Variants in ADCYAP1R1 observed in about 807,000 individuals in gnomAD.
ADCYAP1R1 encodes the protein pituitary adenylate cyclase-activating polypeptide type I receptor.
In ADCYAP1R1, 44 loss-of-function variants were observed where a neutral mutation model predicts 67.6. That is an observed-to-expected ratio of 0.65 (90% confidence interval 0.51 to 0.84). The LOEUF is 0.84. Among genes scored for constraint, ADCYAP1R1 ranks in the 40% least tolerant of loss-of-function variants. The pLI, the probability that ADCYAP1R1 is intolerant of heterozygous loss-of-function variation, is 0.00. For synonymous variants in ADCYAP1R1, 222 were observed against 219.6 expected (o/e 1.01, Z -0.10); for missense variants, 477 against 587.9 (o/e 0.81, Z 1.95).
chr7:31,102,478 C>T lies in ADCYAP1R1; in HGVS notation c.1047-759C>T, dbSNP rs1164803911. Among the ~76,000 whole-genome samples the T allele has an allele frequency of 3.9e-5, 6 of 152,164 alleles. No homozygotes were observed. Among genetic ancestry groups the T allele is most frequent in the Non-Finnish European group, 4.4e-5 (3 of 68,024 alleles). ...CTGTGGCTTCAGAACAGAGCCCCAC[C>T]GTGCTGTCAGCCTAGGGCCAGAGGC... On this transcript the variant is annotated intron_variant, in intron 13 of 15. Transcript: ENST00000304166. The surrounding 1 kb of genome is among the most constrained non-coding windows in gnomAD (Gnocchi z 4.3).
intron 3 of ADCYAP1R1, among the ~76,000 whole-genome samples, chr7:31,067,501 T>A (rs1004111486): frequency 1.3e-5 from 2 of 151,192 alleles, no homozygotes; most frequent in African/African-American, 4.9e-5. Flanking sequence ...CACTTCATTC[T>A]ATCACCACAG....
intron 14 of ADCYAP1R1, among the ~76,000 whole-genome samples, chr7:31,103,741 C>T (rs974480397): frequency 3.3e-5 from 5 of 152,190 alleles, no homozygotes; most frequent in African/African-American, 1.2e-4. Context: ...CATCTAGATC[C>T]CCAGCACAGG....
chr7:31,105,533 G>A (rs1241861217), intron 15 of ADCYAP1R1, among the ~76,000 whole-genome samples: 1 of 152,248 alleles, frequency 6.6e-6, no homozygotes, highest in Non-Finnish European at 1.5e-5. Context: ...CCAAAACAGA[G>A]GTGCTGGGGC....
At chr7:31,083,474 G>A (rs1350039451) in intron 6 of ADCYAP1R1, among the ~76,000 whole-genome samples, 2 of 152,316 alleles carry the variant, frequency 1.3e-5, no homozygotes, top group East Asian at 1.9e-4. Flanking sequence ...AAGTACATTA[G>A]TGACAGGAAA....
At chr7:31,053,764 C>T (rs1176015937) in intron 1 of ADCYAP1R1, among the ~76,000 whole-genome samples, 1 of 152,222 alleles carries the variant, frequency 6.6e-6, no homozygotes, top group Non-Finnish European at 1.5e-5. Flanking sequence ...GCATTTGGCT[C>T]TTCCCATGAG....
Position 31,086,891 on chromosome 7 carries a change from T to C in ADCYAP1R1, c.824-52T>C, listed in dbSNP as rs1035351907. 4.4e-5 allele frequency: 70 copies of C among 1,585,210 alleles called. No individual in the cohort carries two copies. The East Asian group carries it at 1.3e-3, about 30-fold the overall frequency. On this transcript the variant is annotated intron_variant, in intron 10 of 15. Transcript: ENST00000304166. This position sits in a 1 kb window ranked among gnomAD's most constrained non-coding sequence, Gnocchi z 5.0. ...GGAGCCCCAGGTCTACGGTGGACAT[T>C]GGACATGTTGGTTTTCCTGTTCTCA... is the stretch of plus-strand genomic sequence containing the variant.
chr7:31,075,208 A>T (rs1292063966), intron 3 of ADCYAP1R1, among the ~76,000 whole-genome samples: 1 of 152,144 alleles, frequency 6.6e-6, no homozygotes, highest in Non-Finnish European at 1.5e-5. Context: ...AATGGTTCCC[A>T]GGGACACCTA....
In ADCYAP1R1 at chr7:31,106,794, G is replaced by A; in HGVS notation, c.*110G>A. Reference sequence around the variant, plus strand: ...CCTCCCCTTGGGCAGGCCCTGGGCTGGAAGCTTGGCTCCTGAGGGGGGAGA... The same window carrying A: ...CCTCCCCTTGGGCAGGCCCTGGGCTAGAAGCTTGGCTCCTGAGGGGGGAGA... On this transcript the variant is annotated 3_prime_UTR_variant, in exon 16 of 16. Transcript: ENST00000304166. 7.6e-7 allele frequency: 1 copy of A among 1,322,402 alleles called. No individual in the cohort carries two copies. Among genetic ancestry groups the A allele is most frequent in the Non-Finnish European group, 1.0e-6 (1 of 993,700 alleles). 81.9% of individuals were successfully genotyped at this position (1,322,402 alleles called of 1,614,324 possible). A position where few individuals can be genotyped will look rare whatever the true frequency, so the allele number is the denominator to read the frequency against.
intron 3 of ADCYAP1R1, among the ~76,000 whole-genome samples, chr7:31,072,279 C>T (rs1442515559): frequency 2.0e-5 from 3 of 152,178 alleles, no homozygotes; most frequent in East Asian, 3.9e-4. Flanking sequence ...AACACTGCTA[C>T]CCTTAACATG....
At position 31,084,718 on chromosome 7, in the gene ADCYAP1R1, G is replaced by A; in HGVS notation, c.439-19G>A. ...GCAGGTCTCACATGAAGTCCTGCAT[G>A]TCCTGTGCTCTGCTTCAGGATTATT... On this transcript the variant is annotated intron_variant, in intron 7 of 15. Transcript: ENST00000304166. The A allele has an allele frequency of 6.2e-7, 1 of 1,600,222 alleles. No homozygotes were observed. Among genetic ancestry groups the A allele is most frequent in the Non-Finnish European group, 8.6e-7 (1 of 1,167,332 alleles).
intron 3 of ADCYAP1R1, among the ~76,000 whole-genome samples, chr7:31,068,870 A>G (rs773847649): frequency 6.6e-6 from 1 of 152,192 alleles, no homozygotes; most frequent in Admixed American, 6.5e-5. Flanking sequence ...CTCTTCCCCC[A>G]TTGAACCTTC....
chr7:31,074,467 C>G (rs1179244803), intron 3 of ADCYAP1R1, among the ~76,000 whole-genome samples: 1 of 152,180 alleles, frequency 6.6e-6, no homozygotes, highest in Non-Finnish European at 1.5e-5. Context: ...TGCCACCCGC[C>G]CGACCTCTGC....
intron 1 of ADCYAP1R1, among the ~76,000 whole-genome samples, chr7:31,054,530 A>G (rs989004510): frequency 1.3e-5 from 2 of 152,236 alleles, no homozygotes; most frequent in Admixed American, 6.5e-5. Flanking sequence ...CGAATAAATA[A>G]ATACACACAT....
chr7:31,089,452 G>A (rs561371012), intron 12 of ADCYAP1R1, among the ~76,000 whole-genome samples: 1 of 149,158 alleles, frequency 6.7e-6, no homozygotes, highest in Non-Finnish European at 1.5e-5. Flanking sequence ...AATCAGGAAT[G>A]GGTATTGAAT....
At chr7:31,104,844 C>T in intron 14 of ADCYAP1R1, 24 bp from the exon 15 acceptor site, 1 of 1,613,988 alleles carries the variant, frequency 6.2e-7, no homozygotes, top group Non-Finnish European at 8.5e-7. Context: ...CTAGCATCCT[C>T]AGGCTTATTT....
Position 31,087,716 on chromosome 7 carries a change from A to G in ADCYAP1R1, c.954+20A>G, listed in dbSNP as rs1795809517. On this transcript the variant is annotated intron_variant, in intron 12 of 15. Coordinates refer to ENST00000304166, the MANE Select transcript of ADCYAP1R1 (RefSeq NM_001118.5). ...ATCATGGTGAGTGTCCTTGGGATGA[A>G]GAGGAAGGGAAGAGACAGGGTCTTG... The G allele has an allele frequency of 6.2e-7, 1 of 1,608,578 alleles. No homozygotes were observed. Among genetic ancestry groups the G allele is most frequent in the Non-Finnish European group, 8.5e-7 (1 of 1,175,888 alleles).
At chr7:31,056,066 G>A (rs1016601159) in intron 1 of ADCYAP1R1, among the ~76,000 whole-genome samples, 5 of 152,206 alleles carry the variant, frequency 3.3e-5, no homozygotes, top group African/African-American at 1.2e-4. Context: ...CCTCATGGGT[G>A]GGGAAGCCAC....
chr7:31,053,809 C>G (rs1794126897), intron 1 of ADCYAP1R1, among the ~76,000 whole-genome samples: 1 of 152,176 alleles, frequency 6.6e-6, no homozygotes, highest in Non-Finnish European at 1.5e-5. Flanking sequence ...TGGGAAGGGG[C>G]TGGACGCAGC....
Position 31,085,379 on chromosome 7 carries a change from C to T in ADCYAP1R1, c.606C>T (p.Ser202=), listed in dbSNP as rs768098970. The T allele has an allele frequency of 1.1e-4, 170 of 1,613,932 alleles. No individual in the cohort carries two copies. The highest frequency in any genetic ancestry group is 6.6e-4 in the Middle Eastern group (4 of 6,058). ...LFVSFMLRAI[S]VFIKDWILYA... ...TGTCGTTCATGCTGAGGGCGATCTC[C>T]GTCTTCATCAAAGACTGGATTCTGT... Residue 202 remains serine (S), a synonymous_variant, in exon 9 of 16, where the codon TCC becomes TCT. Coordinates refer to ENST00000304166, the MANE Select transcript of ADCYAP1R1 (RefSeq NM_001118.5).
Sources: gnomAD v4.1 joint callset for allele counts (sites outside exome capture counted in the v4.1 genomes callset) on GRCh38, gnomAD v4.1.1 for gene constraint, Gnocchi (gnomAD v3.1) non-coding constraint, MANE v1.5 for transcripts, NCBI Gene and HGNC (gene_info 2026-07-23, HGNC 2026-07-21) for gene names.